KIF26B: variants seen among roughly 807,000 people sequenced by gnomAD.
The protein encoded by KIF26B is kinesin-like protein KIF26B.
Under a neutral mutation model 151.2 loss-of-function variants are expected in KIF26B, and 63 were observed. The observed-to-expected ratio is 0.42, with a 90% confidence interval of 0.34 to 0.51. The LOEUF (loss-of-function observed/expected upper bound fraction) is 0.51, where lower values mean the gene tolerates loss of function less well. KIF26B is among the 20% of genes least tolerant of loss of function. KIF26B has a pLI of 0.07. For missense variants in KIF26B, 2,813 were observed against 2,913.6 expected, an observed-to-expected ratio of 0.97 and a Z score of 0.79; for synonymous variants, 1,357 against 1,262.1, an observed-to-expected ratio of 1.08 and a Z score of -1.59.
chr1:245,698,237 C>A lies in KIF26B; in HGVS notation c.5956C>A (p.Pro1986Thr). The change falls in exon 13 of 15, where the codon CCC (proline) becomes ACC (threonine). Residue 1986 changes from proline (P) to threonine (T), a missense_variant. This residue lies in a region of KIF26B where 2,060 missense variants were observed against 2,088.6 expected (regional missense o/e 0.99). Coordinates refer to ENST00000407071, the MANE Select transcript of KIF26B (RefSeq NM_018012.4). The surrounding 1 kb of genome is among the most constrained non-coding windows in gnomAD (Gnocchi z 4.0). ...LRSSPRGLGE[P>T]FEIKVYEIDD... Reference sequence around the variant, plus strand: ...GAGCAGCCCGAGGGGCCTTGGGGAACCCTTTGAGATTAAAGTCTATGAAAT... The same window carrying A: ...GAGCAGCCCGAGGGGCCTTGGGGAAACCTTTGAGATTAAAGTCTATGAAAT... 6.2e-7 allele frequency: 1 copy of A among 1,613,834 alleles called. No individual in the cohort carries two copies.
intron 9 of KIF26B, among the ~76,000 whole-genome samples, chr1:245,637,209 A>G (rs1308358730): frequency 2.0e-5 from 3 of 152,014 alleles, no homozygotes; most frequent in Non-Finnish European, 4.4e-5. Context: ...AGCCATTGTA[A>G]CTGAGGTGAG....
intron 10 of KIF26B, among the ~76,000 whole-genome samples, chr1:245,671,079 A>G (rs924980247): frequency 6.6e-6 from 1 of 152,324 alleles, no homozygotes; most frequent in African/African-American, 2.4e-5. Context: ...TAGGTCTCAC[A>G]AACAAGTGAG....
intron 2 of KIF26B, among the ~76,000 whole-genome samples, chr1:245,261,060 CTCCT>C (rs1317496528): frequency 3.3e-5 from 5 of 150,644 alleles, no homozygotes; most frequent in East Asian, 1.9e-4. Context: ...CTCTCTCTCT[CTCCT>C]TCCTTCCTTC....
At chr1:245,569,748 C>T (rs2043045951) in intron 5 of KIF26B, among the ~76,000 whole-genome samples, 1 of 151,858 alleles carries the variant, frequency 6.6e-6, no homozygotes. Flanking sequence ...GCCATGATTG[C>T]ACCACTGCAC....
chr1:245,532,283 T>G (rs1391266736), intron 4 of KIF26B, among the ~76,000 whole-genome samples: 2 of 146,286 alleles, frequency 1.4e-5, no homozygotes, highest in African/African-American at 5.1e-5. Flanking sequence ...TCTTGCTCTG[T>G]CGCCCAGGCT....
chr1:245,454,352 G>C (rs1659465557), intron 4 of KIF26B, among the ~76,000 whole-genome samples: 1 of 152,144 alleles, frequency 6.6e-6, no homozygotes, highest in Non-Finnish European at 1.5e-5. Flanking sequence ...CATCCAGGGA[G>C]GTAAATGCAA....
At chr1:245,501,397 T>C (rs1660617360) in intron 4 of KIF26B, among the ~76,000 whole-genome samples, 2 of 152,202 alleles carry the variant, frequency 1.3e-5, no homozygotes, top group Non-Finnish European at 2.9e-5. Context: ...AAGGACTAGC[T>C]ACTTATTTGT....
Position 245,688,701 on chromosome 1 carries a change from G to T in KIF26B, c.5718G>T (p.Glu1906Asp), listed in dbSNP as rs755278799. ...ACGAGAGCGTGATGCGGGACAGCGA[G>T]GCCACCGGCAGCGCGTCCTCGGCGC... is the stretch of plus-strand genomic sequence containing the variant. ...SGYESVMRDS[E>D]ATGSASSAQD... The change falls in exon 12 of 15, where the codon GAG becomes GAT. Residue 1906 changes from glutamate to aspartate, a missense_variant. Glu to Asp is a conservative substitution (Grantham distance 45, BLOSUM62 2). Coordinates refer to ENST00000407071, the MANE Select transcript of KIF26B (RefSeq NM_018012.4). 6.2e-7 allele frequency: 1 copy of T among 1,607,378 alleles called. No homozygotes were observed. The highest frequency in any genetic ancestry group is 1.1e-5 in the South Asian group (1 of 90,028).
intron 3 of KIF26B, among the ~76,000 whole-genome samples, chr1:245,381,271 C>T (rs1180570007): frequency 6.6e-6 from 1 of 152,166 alleles, no homozygotes; most frequent in Non-Finnish European, 1.5e-5. Flanking sequence ...AGTGCTGGCT[C>T]ACCTGCTTAG....
chr1:245,346,865 C>A (rs776084756), intron 2 of KIF26B, among the ~76,000 whole-genome samples: 1 of 152,220 alleles, frequency 6.6e-6, no homozygotes, highest in Admixed American at 6.5e-5. Context: ...ATCCTATCAT[C>A]TTTTCCCCCT....
At chr1:245,518,625 T>C (rs1008409246) in intron 4 of KIF26B, among the ~76,000 whole-genome samples, 1 of 152,214 alleles carries the variant, frequency 6.6e-6, no homozygotes, top group African/African-American at 2.4e-5. Flanking sequence ...GCCAGCATTC[T>C]GGTACCAGTT....
chr1:245,426,758 C>G (rs1658658837), intron 4 of KIF26B, among the ~76,000 whole-genome samples: 1 of 152,232 alleles, frequency 6.6e-6, no homozygotes, highest in African/African-American at 2.4e-5. Flanking sequence ...CGTGGCTTCT[C>G]TTGTTAGTTC....
At chr1:245,570,989 A>G (rs554442636) in intron 5 of KIF26B, among the ~76,000 whole-genome samples, 19 of 152,354 alleles carry the variant, frequency 1.2e-4, no homozygotes, top group Middle Eastern at 3.4e-3. Context: ...GTGAAAATAT[A>G]TCAGCGAGAA....
intron 9 of KIF26B, among the ~76,000 whole-genome samples, chr1:245,643,961 T>A (rs1462746274): frequency 6.6e-6 from 1 of 152,204 alleles, no homozygotes; most frequent in Non-Finnish European, 1.5e-5. Context: ...TTGGTTATGA[T>A]GTGCCTTGAT....
At chr1:245,644,354 ATATT>A (rs1250956486) in intron 9 of KIF26B, among the ~76,000 whole-genome samples, 1 of 152,142 alleles carries the variant, frequency 6.6e-6, no homozygotes, top group Non-Finnish European at 1.5e-5. Context: ...TTTTAAATAT[ATATT>A]CCATGTTTCT....
intron 2 of KIF26B, among the ~76,000 whole-genome samples, chr1:245,193,909 C>A (rs112979618): frequency 1.1e-4 from 17 of 152,202 alleles, no homozygotes; most frequent in Admixed American, 1.3e-4. Flanking sequence ...GACAGGGCTG[C>A]GTCCATTGAT....
chr1:245,411,476 G>A (rs1479230825), intron 3 of KIF26B, among the ~76,000 whole-genome samples: 3 of 152,182 alleles, frequency 2.0e-5, no homozygotes, highest in Non-Finnish European at 2.9e-5. Flanking sequence ...TCCTCAGTGA[G>A]TCATTTCATC....
chr1:245,655,892 G>A (rs531751523), intron 10 of KIF26B, among the ~76,000 whole-genome samples: 21 of 152,242 alleles, frequency 1.4e-4, no homozygotes, highest in Middle Eastern at 3.4e-3. Context: ...TACACCACAC[G>A]TGATTCATAA....
rs1455422462 is a variant in KIF26B at position 245,364,566 on chromosome 1, G to A, written c.466-2268G>A. Among the ~76,000 whole-genome samples, 12 of 151,726 alleles carry A rather than the reference G, an allele frequency of 7.9e-5. No individual in the cohort carries two copies. In the East Asian group the frequency reaches 2.0e-3, roughly 25 times the overall value. ...CTGCTGAATTGCTGGGACTACAGGCGCCCGCCACCACGCCCAGCTAATTTT... is the reference window on the plus strand; with the variant it reads ...CTGCTGAATTGCTGGGACTACAGGCACCCGCCACCACGCCCAGCTAATTTT... On this transcript the variant is annotated intron_variant, in intron 2 of 14. Coordinates refer to ENST00000407071, the MANE Select transcript of KIF26B (RefSeq NM_018012.4).
Sources: allele counts gnomAD v4.1 joint callset (sites outside exome capture counted in the v4.1 genomes callset), GRCh38; gene constraint gnomAD v4.1.1; regional missense constraint gnomAD v4.1.1; non-coding constraint Gnocchi (gnomAD v3.1); transcripts MANE v1.5; gene names NCBI Gene and HGNC (gene_info 2026-07-23, HGNC 2026-07-21).